Variants in KALRN observed in about 807,000 individuals in gnomAD.
KALRN encodes kalirin.
Under a neutral mutation model 353.7 loss-of-function variants are expected in KALRN, and 70 were observed. The observed-to-expected ratio is 0.20, with a 90% CI of 0.16 to 0.24. The LOEUF (loss-of-function observed/expected upper bound fraction) is 0.24. KALRN is among the 10% of genes least tolerant of loss of function. The pLI, the probability that KALRN is intolerant of heterozygous loss-of-function variation, is 1.00. For missense variants in KALRN, 2,791 were observed against 3,756.7 expected (o/e 0.74, Z 6.72); for synonymous variants, 1,391 against 1,434.8 (o/e 0.97, Z 0.69).
intron 1 of KALRN, among the ~76,000 whole-genome samples, chr3:124,069,905 G>A (rs1448832837): frequency 6.6e-6 from 1 of 152,162 alleles, no homozygotes; most frequent in Non-Finnish European, 1.5e-5. Flanking sequence ...AGATATTTCT[G>A]GAGGAGAGAC....
chr3:124,440,987 C>T (rs1249857099), intron 18 of KALRN, among the ~76,000 whole-genome samples: 1 of 151,912 alleles, frequency 6.6e-6, no homozygotes, highest in Admixed American at 6.6e-5. Context: ...CCTCTCTCTG[C>T]CACCCACAGC....
chr3:124,601,461 T>C (rs2076799287), intron 34 of KALRN, among the ~76,000 whole-genome samples: 2 of 152,240 alleles, frequency 1.3e-5, no homozygotes, highest in African/African-American at 4.8e-5. Flanking sequence ...TTTTGAGCCC[T>C]GGGAGTGTCC....
At chr3:124,365,881 TA>T (rs2084624234) in intron 10 of KALRN, among the ~76,000 whole-genome samples, 1 of 152,236 alleles carries the variant, frequency 6.6e-6, no homozygotes, top group Admixed American at 6.5e-5. Context: ...ACATAGGCTC[TA>T]GGGGTGTGAT....
intron 27 of KALRN, among the ~76,000 whole-genome samples, chr3:124,479,031 A>G (rs1385002739): frequency 2.6e-5 from 4 of 152,196 alleles, no homozygotes; most frequent in African/African-American, 9.7e-5. Context: ...AGCATTTGTA[A>G]TGATTTGCCT....
At chr3:124,385,179 A>T (rs56336414) in intron 11 of KALRN, 143 bp downstream of exon 11, 82,368 of 625,312 alleles carry the variant, frequency 0.13, 6,378 homozygotes, top group Non-Finnish European at 0.16. Context: ...TTAACAATTC[A>T]TTCCTGATAG....
chr3:124,601,603 A>T (rs755366908), intron 34 of KALRN, among the ~76,000 whole-genome samples: 1 of 152,040 alleles, frequency 6.6e-6, no homozygotes, highest in African/African-American at 2.4e-5. Flanking sequence ...ACTATTAAGG[A>T]CCTTTATATG....
At chr3:124,447,917 A>G (rs2093893121) in intron 21 of KALRN, among the ~76,000 whole-genome samples, 1 of 152,252 alleles carries the variant, frequency 6.6e-6, no homozygotes, top group African/African-American at 2.4e-5. Context: ...TTTCAATACC[A>G]GTAAAAGCAA....
intron 54 of KALRN, 31 bp from the exon 55 acceptor site, chr3:124,697,562 T>C (rs758559456): frequency 6.4e-7 from 1 of 1,554,682 alleles, no homozygotes; most frequent in Non-Finnish European, 8.7e-7. Context: ...TCTGCAGAAA[T>C]AGCACCTGAT....
chr3:124,304,434 C>T (rs977540999), intron 6 of KALRN, among the ~76,000 whole-genome samples: 11 of 152,128 alleles, frequency 7.2e-5, no homozygotes, highest in Non-Finnish European at 1.3e-4. Flanking sequence ...GATCTATATG[C>T]ACGTTAAATC....
At chr3:124,102,892 A>G (rs375968839) in intron 1 of KALRN, among the ~76,000 whole-genome samples, 6 of 152,376 alleles carry the variant, frequency 3.9e-5, no homozygotes, top group East Asian at 1.9e-4. Flanking sequence ...AATTCCAAAT[A>G]TCTTACCCCT....
intron 1 of KALRN, among the ~76,000 whole-genome samples, chr3:124,182,414 G>T (rs1475932959): frequency 6.6e-6 from 1 of 152,150 alleles, no homozygotes; most frequent in Non-Finnish European, 1.5e-5. Context: ...AAGGGTTTTG[G>T]GGCTGAGGGT....
chr3:124,079,684 G>T (rs185336823), intron 1 of KALRN, among the ~76,000 whole-genome samples: 4 of 152,174 alleles, frequency 2.6e-5, no homozygotes, highest in Admixed American at 2.6e-4. Context: ...AAAACCCAAC[G>T]TCTTTTTATA....
chr3:124,620,400 G>A (rs114493565), intron 34 of KALRN, among the ~76,000 whole-genome samples: 1,583 of 152,200 alleles, frequency 0.01, 34 homozygotes, highest in African/African-American at 0.036. Flanking sequence ...CACCACTCCC[G>A]GCCTTGGTGG....
intron 34 of KALRN, among the ~76,000 whole-genome samples, chr3:124,586,007 T>C (rs531432518): frequency 1.3e-5 from 2 of 152,350 alleles, no homozygotes; most frequent in African/African-American, 4.8e-5. Flanking sequence ...GATATAAGGT[T>C]ACCAAAACTA....
intron 6 of KALRN, among the ~76,000 whole-genome samples, chr3:124,302,197 T>C (rs1210112112): frequency 1.3e-5 from 2 of 152,186 alleles, no homozygotes; most frequent in Admixed American, 6.5e-5. Context: ...ATACTGAGCA[T>C]ATAGTGGTGA....
chr3:124,266,657 G>A (rs2073590640), intron 4 of KALRN, among the ~76,000 whole-genome samples: 1 of 152,164 alleles, frequency 6.6e-6, no homozygotes, highest in South Asian at 2.1e-4. Context: ...AGACTTTTGT[G>A]CCCTGGGGGC....
chr3:124,291,845 C>T (rs900512727), intron 5 of KALRN, among the ~76,000 whole-genome samples: 1 of 151,848 alleles, frequency 6.6e-6, no homozygotes, highest in Non-Finnish European at 1.5e-5. Context: ...TAAAAGTATG[C>T]CAACTGACAT....
intron 1 of KALRN, among the ~76,000 whole-genome samples, chr3:124,207,937 G>A (rs2076553797): frequency 6.6e-6 from 1 of 152,202 alleles, no homozygotes; most frequent in African/African-American, 2.4e-5. Flanking sequence ...TGTGAGGTAA[G>A]TGATCACCAG....
Position 124,334,800 on chromosome 3 carries a change from G to T in KALRN, c.1647+305G>T, listed in dbSNP as rs1289606165. On this transcript the variant is annotated intron_variant, in intron 9 of 59. Coordinates refer to ENST00000682506, the MANE Select transcript of KALRN (RefSeq NM_001388419.1). The surrounding 1 kb of genome is among the most constrained non-coding windows in gnomAD (Gnocchi z 4.2). The stretch of plus-strand genomic sequence containing the variant: ...ATGTGGCACATTTTTCTTTTGTTTT[G>T]TTTTGTTTTTTGGAAACAGAGTCTC... Among the ~76,000 whole-genome samples the T allele has an allele frequency of 6.6e-6, 1 of 152,112 alleles. No individual in the cohort carries two copies.
Sources: gnomAD v4.1 joint callset for allele counts (sites outside exome capture counted in the v4.1 genomes callset) on GRCh38, gnomAD v4.1.1 for gene constraint, Gnocchi (gnomAD v3.1) non-coding constraint, MANE v1.5 for transcripts, NCBI Gene and HGNC (gene_info 2026-07-23, HGNC 2026-07-21) for gene names.